The following HTR4 variants were observed in gnomAD, a reference collection of about 807,000 sequenced individuals.
HTR4 encodes the protein 5-hydroxytryptamine receptor 4, also known as 5-hydroxytryptamine (serotonin) receptor 4, G protein-coupled.
In HTR4, 16 loss-of-function variants were observed where a neutral mutation model predicts 36.8. That is an observed-to-expected ratio of 0.43 (90% CI 0.29 to 0.66). The LOEUF is 0.66. Ranked by LOEUF, HTR4 falls within the 30% of genes least tolerant of loss-of-function variation. The pLI is 0.13. For synonymous variants in HTR4, 189 were observed against 185.1 expected (o/e 1.02, Z -0.17); for missense variants, 438 against 490.9 (o/e 0.89, Z 1.02).
intron 2 of HTR4, among the ~76,000 whole-genome samples, chr5:148,608,914 C>T (rs151309456): frequency 1.2e-3 from 184 of 152,264 alleles, no homozygotes; most frequent in African/African-American, 4.2e-3. Flanking sequence ...GCCTGATCTT[C>T]GGCCATCAAC....
intron 2 of HTR4, among the ~76,000 whole-genome samples, chr5:148,556,502 G>C (rs1759958276): frequency 6.6e-6 from 1 of 152,192 alleles, no homozygotes; most frequent in South Asian, 2.1e-4. Context: ...CAAGGACTGT[G>C]CTGAGTACTA....
chr5:148,466,145 G>GTGCTTT (rs1755421563), intron 5 of HTR4, among the ~76,000 whole-genome samples: 2 of 152,176 alleles, frequency 1.3e-5, no homozygotes, highest in African/African-American at 4.8e-5. Flanking sequence ...GCACACTTAA[G>GTGCTTT]TTAGTGTTTC....
chr5:148,460,617 C>T (rs996080378), intron 5 of HTR4, among the ~76,000 whole-genome samples: 2 of 151,948 alleles, frequency 1.3e-5, no homozygotes, highest in African/African-American at 4.8e-5. Flanking sequence ...TGCCAGTATA[C>T]CTGCCTTGCA....
chr5:148,589,767 A>C (rs1174231446), intron 2 of HTR4, among the ~76,000 whole-genome samples: 1 of 152,116 alleles, frequency 6.6e-6, no homozygotes, highest in African/African-American at 2.4e-5. Flanking sequence ...ACAATATGTG[A>C]TATTTTAATA....
chr5:148,526,786 T>C (rs1297144534), intron 4 of HTR4, among the ~76,000 whole-genome samples: 1 of 152,018 alleles, frequency 6.6e-6, no homozygotes, highest in African/African-American at 2.4e-5. Flanking sequence ...GAAGGACAAA[T>C]ATTGCATGTT....
downstream of HTR4, among the ~76,000 whole-genome samples, chr5:148,480,311 C>T (rs1755836582): frequency 6.6e-6 from 1 of 152,242 alleles, no homozygotes; most frequent in Non-Finnish European, 1.5e-5. Flanking sequence ...CTGAAATGAC[C>T]AAATTAGGAT....
At chr5:148,618,302 C>T (rs1335512387) in intron 2 of HTR4, among the ~76,000 whole-genome samples, 1 of 152,132 alleles carries the variant, frequency 6.6e-6, no homozygotes, top group Non-Finnish European at 1.5e-5. Context: ...GGGTTCTATC[C>T]GCAAGGATAC....
intron 2 of HTR4, among the ~76,000 whole-genome samples, chr5:148,615,741 A>ATAAAATAAAATAAAATAAAG (rs1561652147): frequency 1.5e-4 from 23 of 151,968 alleles, no homozygotes; most frequent in African/African-American, 5.6e-4. Context: ...ATAAAATAAA[A>ATAAAATAAAATAAAATAAAG]TAAAGCTCCT....
At chr5:148,516,422 C>T (rs1029210508) in intron 5 of HTR4, among the ~76,000 whole-genome samples, 22 of 147,788 alleles carry the variant, frequency 1.5e-4, no homozygotes, top group Admixed American at 7.6e-4. Flanking sequence ...TGGGTTCAAG[C>T]GATTCTTCTG....
In HTR4 at chr5:148,510,104, G is replaced by C; in HGVS notation, c.508-80C>G. ...AGTGAAAAAGAAGTGGGAAAAATGGGGAAGAGTGTGAGAAAAGAAAAAGGG... is the reference window on the plus strand; with the variant it reads ...AGTGAAAAAGAAGTGGGAAAAATGGCGAAGAGTGTGAGAAAAGAAAAAGGG... On this transcript the variant is annotated intron_variant, in intron 5 of 6. Coordinates refer to ENST00000377888, the MANE Select transcript of HTR4 (RefSeq NM_000870.7). 3.5e-6 allele frequency: 3 copies of C among 865,908 alleles called. No individual in the cohort carries two copies. The South Asian group carries it at 5.5e-5, about 16-fold the overall frequency. 53.6% of individuals were successfully genotyped at this position (865,908 alleles called of 1,614,324 possible).
intron 2 of HTR4, among the ~76,000 whole-genome samples, chr5:148,566,346 A>G (rs1353680010): frequency 1.3e-5 from 2 of 152,190 alleles, no homozygotes; most frequent in African/African-American, 2.4e-5. Flanking sequence ...CAAAAATACT[A>G]GAAGAAATGA....
Position 148,576,116 on chromosome 5 carries a change from A to AAAAACAAAC in HTR4, c.27-25855_27-25854insGTTTGTTTT, listed in dbSNP as rs1554096996. Among the ~76,000 whole-genome samples, 191 of 126,944 alleles carry AAAAACAAAC rather than the reference A, an allele frequency of 1.5e-3. 7 individuals are homozygous for AAAAACAAAC. The highest frequency in any genetic ancestry group is 6.0e-3 in the African/African-American group (174 of 28,826). The allele number at this position is 126,944 out of a possible 152,430, so 83.3% of individuals were successfully genotyped here. A position where few individuals can be genotyped will look rare whatever the true frequency, so the allele number is the denominator to read the frequency against. On this transcript the variant is annotated intron_variant, in intron 2 of 6. Transcript: ENST00000377888. ...ACAGAGCGAGACTCCGTCTCAAAAAAAAAAAAAAAAAAAAAAACAAAATCA... is the reference window on the plus strand; with the variant it reads ...ACAGAGCGAGACTCCGTCTCAAAAAAAAAACAAACAAAAAAAAAAAAAAAAACAAAATCA...
intron 2 of HTR4, among the ~76,000 whole-genome samples, chr5:148,625,196 T>C (rs1488852423): frequency 6.6e-6 from 1 of 152,028 alleles, no homozygotes; most frequent in Non-Finnish European, 1.5e-5. Flanking sequence ...GTCAAAAAGG[T>C]GTTTGGAGAT....
chr5:148,501,273 C>T (rs1315130986), intron 6 of HTR4, among the ~76,000 whole-genome samples: 5 of 151,948 alleles, frequency 3.3e-5, no homozygotes, highest in African/African-American at 1.2e-4. Context: ...TAAAATGATC[C>T]CATTTACATA....
At chr5:148,544,353 A>C (rs1031871833) in intron 4 of HTR4, among the ~76,000 whole-genome samples, 2 of 146,612 alleles carry the variant, frequency 1.4e-5, no homozygotes, top group African/African-American at 2.5e-5. Flanking sequence ...ACACACACTC[A>C]TGTAAACCCA....
intron 2 of HTR4, among the ~76,000 whole-genome samples, chr5:148,576,678 C>CA (rs1399198939): frequency 6.6e-6 from 1 of 151,970 alleles, no homozygotes; most frequent in Non-Finnish European, 1.5e-5. Context: ...CATCTGTGAC[C>CA]ATCTGATCTT....
chr5:148,452,006 G>A (rs749758282), intron 5 of HTR4, among the ~76,000 whole-genome samples: 9 of 152,110 alleles, frequency 5.9e-5, no homozygotes, highest in Non-Finnish European at 1.0e-4. Flanking sequence ...TTTCTCTGAG[G>A]CCAGTGTCAA....
At chr5:148,643,320 C>T (rs760184084) in intron 1 of HTR4, among the ~76,000 whole-genome samples, 1 of 152,118 alleles carries the variant, frequency 6.6e-6, no homozygotes, top group Non-Finnish European at 1.5e-5. Context: ...CCCAAGCAAC[C>T]TTTTGTTAAA....
intron 2 of HTR4, among the ~76,000 whole-genome samples, chr5:148,551,733 C>T (rs547981758): frequency 1.6e-4 from 25 of 152,290 alleles, no homozygotes; most frequent in African/African-American, 5.3e-4. Flanking sequence ...CTAACACTAA[C>T]AATGGCTGAT....
Sources: allele counts gnomAD v4.1 joint callset (sites outside exome capture counted in the v4.1 genomes callset), GRCh38; gene constraint gnomAD v4.1.1; transcripts MANE v1.5; gene names NCBI Gene and HGNC (gene_info 2026-07-23, HGNC 2026-07-21).